Variants in TMEM167B observed in about 807,000 individuals in gnomAD.
TMEM167B encodes the protein transmembrane protein 167B.
A neutral mutation model predicts 9.4 loss-of-function variants in TMEM167B; 2 were observed. The ratio of observed to expected loss-of-function variants is 0.21; its 90% confidence interval spans 0.09 to 0.67. The LOEUF (loss-of-function observed/expected upper bound fraction) is 0.67. Ranked by LOEUF, TMEM167B falls within the 30% of genes least tolerant of loss-of-function variation. TMEM167B has a pLI of 0.82. For missense variants in TMEM167B, 68 were observed against 87.6 expected (o/e 0.78, Z 0.89); for synonymous variants, 28 against 32.0 (o/e 0.87, Z 0.42).
In TMEM167B at chr1:109,094,601, G is replaced by C; in HGVS notation, c.*102G>C. ...GTAGGAGAGTTCAGCTGAAATCATC[G>C]GTCCCCAGGATGACACCACAGCATC... On this transcript the variant is annotated 3_prime_UTR_variant, in exon 3 of 3. Coordinates refer to ENST00000338272, the MANE Select transcript of TMEM167B (RefSeq NM_020141.4). 8.8e-7 allele frequency: 1 copy of C among 1,138,584 alleles called. No homozygotes were observed. The highest frequency in any genetic ancestry group is 2.4e-5 in the East Asian group (1 of 42,408). The allele number at this position is 1,138,584 out of a possible 1,614,324, so 70.5% of individuals were successfully genotyped here. A position where few individuals can be genotyped will look rare whatever the true frequency, so the allele number is the denominator to read the frequency against.
intron 2 of TMEM167B, chr1:109,093,356 G>A (rs775790723): frequency 2.1e-5 from 5 of 242,446 alleles, no homozygotes; most frequent in Non-Finnish European, 4.1e-5. Context: ...GCCAGGTATG[G>A]TGGCACGTGC....
chr1:109,091,152 T>C (rs543142916), intron 1 of TMEM167B, among the ~76,000 whole-genome samples: 93 of 152,302 alleles, frequency 6.1e-4, no homozygotes, highest in Middle Eastern at 3.4e-3. Context: ...TAGTTCTTTC[T>C]GGCCCTTGGA....
Position 109,094,274 on chromosome 1 carries a change from C to T in TMEM167B, c.143-143C>T, listed in dbSNP as rs373180910. ...CAGCCTGGCCGACAGAGTGAGACTG[C>T]CTCCAAAAATAAAATAAAAACATCC... On this transcript the variant is annotated intron_variant, in intron 2 of 2. Transcript: ENST00000338272. 1.2e-3 allele frequency: 934 copies of T among 794,696 alleles called. 5 individuals carry two copies. In the Middle Eastern group the frequency reaches 0.017, roughly 14 times the overall value. The allele number at this position is 794,696 out of a possible 1,614,324, so 49.2% of individuals were successfully genotyped here.
chr1:109,094,305 C>G, intron 2 of TMEM167B, 112 bp from the exon 3 acceptor site: 1 of 1,047,986 alleles, frequency 9.5e-7, no homozygotes, highest in South Asian at 1.4e-5. Flanking sequence ...CATCCCAGGC[C>G]CTTGAGAGCG....
At chr1:109,091,010 G>A (rs1314342234) in intron 1 of TMEM167B, 128 bp downstream of exon 1, 10 of 1,115,706 alleles carry the variant, frequency 9.0e-6, no homozygotes, top group Non-Finnish European at 1.3e-5. Context: ...GCCTCTCGAC[G>A]CCCCTAACTT....
At chr1:109,093,454 T>A (rs1231396560) in intron 2 of TMEM167B, 1 of 156,294 alleles carries the variant, frequency 6.4e-6, no homozygotes, top group Non-Finnish European at 1.4e-5. Context: ...GTGGAGCCAC[T>A]GCACTCCAGC....
chr1:109,093,197 A>G, intron 2 of TMEM167B, 176 bp downstream of exon 2: 2 of 955,456 alleles, frequency 2.1e-6, no homozygotes, highest in South Asian at 1.7e-5. Context: ...GGGAAGAGGT[A>G]AAAGTTAAAA....
rs1235570313 is a variant in TMEM167B, at chr1:109,094,932, T to G, written c.*433T>G. 6.4e-6 allele frequency: 1 copy of G among 155,946 alleles called. No homozygotes were observed. The highest frequency in any genetic ancestry group is 1.4e-5 in the Non-Finnish European group (1 of 70,568). 9.7% of individuals were successfully genotyped at this position (155,946 alleles called of 1,614,324 possible). On this transcript the variant is annotated 3_prime_UTR_variant, in exon 3 of 3. Coordinates refer to ENST00000338272, the MANE Select transcript of TMEM167B (RefSeq NM_020141.4). ...ATTTTCAAGACTTCTTTTCACTCTT[T>G]GATTTGGATCTGGCAAATTGGGGAG... is the stretch of plus-strand genomic sequence containing the variant.
At chr1:109,091,117 G>T (rs1437991516) in intron 1 of TMEM167B, among the ~76,000 whole-genome samples, 3 of 152,088 alleles carry the variant, frequency 2.0e-5, no homozygotes, top group Admixed American at 2.0e-4. Context: ...CTATCCCTAT[G>T]CTTTGCTTTC....
At chr1:109,093,595 C>G (rs1343914421) in intron 2 of TMEM167B, 3 of 152,106 alleles carry the variant, frequency 2.0e-5, no homozygotes, top group African/African-American at 4.8e-5. Context: ...TCATTTTAGG[C>G]TGGGGTGGAA....
Position 109,095,626 on chromosome 1 carries a change from G to T in TMEM167B, c.*1127G>T. The T allele has an allele frequency of 6.6e-6, 1 of 152,094 alleles. No homozygotes were observed. The highest frequency in any genetic ancestry group is 1.9e-4 in the East Asian group (1 of 5,188). 9.4% of individuals were successfully genotyped at this position (152,094 alleles called of 1,614,324 possible). ...TTGCATTGCTCTTTAGTTGTCTCTG[G>T]AAATTCTATTTACTTTAAGGACATG... is the stretch of plus-strand genomic sequence containing the variant. On this transcript the variant is annotated 3_prime_UTR_variant, in exon 3 of 3. Transcript: ENST00000338272.
At position 109,090,769 on chromosome 1, in the gene TMEM167B, A is replaced by C; in HGVS notation, c.-104A>C. On this transcript the variant is annotated 5_prime_UTR_variant, in exon 1 of 3. Coordinates refer to ENST00000338272, the MANE Select transcript of TMEM167B (RefSeq NM_020141.4). ...GCTCCTGCGTACTACGGCTTCTTCC[A>C]GTCACCTCGGCCCGGATCGGGAAGT... 2.1e-6 allele frequency: 3 copies of C among 1,434,410 alleles called. No individual in the cohort carries two copies. The highest frequency in any genetic ancestry group is 1.4e-5 in the African/African-American group (1 of 70,800). 88.9% of individuals were successfully genotyped at this position (1,434,410 alleles called of 1,614,324 possible).
In TMEM167B at chr1:109,094,415, A is replaced by G; in HGVS notation, c.143-2A>G. On this transcript the variant is annotated splice_acceptor_variant, in intron 2 of 2. Coordinates refer to ENST00000338272, the MANE Select transcript of TMEM167B (RefSeq NM_020141.4). LOFTEE classifies it high-confidence loss of function. ...TGATTTCTTCTCTCTTTTGCCTGCT[A>G]GCCGCTGTGATTGGAACCAGGCTGC... The G allele has an allele frequency of 6.2e-7, 1 of 1,614,010 alleles. No individual in the cohort carries two copies. The highest frequency in any genetic ancestry group is 8.5e-7 in the Non-Finnish European group (1 of 1,180,024).
chr1:109,094,441 A>G lies in TMEM167B; in HGVS notation c.167A>G (p.His56Arg). ...YKAAVIGTRLHAAVAIACVVM... is the reference protein window; with the variant it reads ...YKAAVIGTRLRAAVAIACVVM... ...GCCGCTGTGATTGGAACCAGGCTGC[A>G]TGCTGCTGTGGCAATTGCTTGTGTT... is the stretch of plus-strand genomic sequence containing the variant. Residue 56 changes from histidine (H) to arginine (R), a missense_variant, in exon 3 of 3, where the codon CAT (histidine) becomes CGT (arginine). Coordinates refer to ENST00000338272, the MANE Select transcript of TMEM167B (RefSeq NM_020141.4). The G allele has an allele frequency of 1.2e-6, 2 of 1,614,110 alleles. No homozygotes were observed. The highest frequency in any genetic ancestry group is 1.7e-6 in the Non-Finnish European group (2 of 1,180,028).
chr1:109,090,928 G>A (rs1372346784), intron 1 of TMEM167B, 46 bp downstream of exon 1: 14 of 1,564,738 alleles, frequency 8.9e-6, no homozygotes, highest in Non-Finnish European at 1.2e-5. Flanking sequence ...AAGGACGAAG[G>A]GAAAACGTGG....
intron 2 of TMEM167B, among the ~76,000 whole-genome samples, chr1:109,094,018 G>A (rs1664512574): frequency 6.6e-6 from 1 of 152,036 alleles, no homozygotes; most frequent in Non-Finnish European, 1.5e-5. Flanking sequence ...GGTGGCTCAC[G>A]CCTGTAATTC....
rs1557992563 is a variant in TMEM167B at position 109,090,821 on chromosome 1, C to T, written c.-52C>T. ...TCAAGCGGGCGCTCCCCCATCTCCG[C>T]CGCTATTACCACTGAACCCGGACCC... On this transcript the variant is annotated 5_prime_UTR_variant, in exon 1 of 3. Coordinates refer to ENST00000338272, the MANE Select transcript of TMEM167B (RefSeq NM_020141.4). 4 of 1,567,898 alleles carry T rather than the reference C, an allele frequency of 2.6e-6. No homozygotes were observed. The highest frequency in any genetic ancestry group is 2.3e-5 in the South Asian group (2 of 85,370).
At chr1:109,094,197 T>C (rs943195569) in intron 2 of TMEM167B, among the ~76,000 whole-genome samples, 3 of 152,140 alleles carry the variant, frequency 2.0e-5, no homozygotes, top group African/African-American at 7.2e-5. Flanking sequence ...GGAGAATTGC[T>C]TGAACCCGGG....
At position 109,095,618 on chromosome 1, in the gene TMEM167B, T is replaced by C. The variant is rs2102130143; in HGVS notation, c.*1119T>C. The C allele has an allele frequency of 6.6e-6, 1 of 152,350 alleles. No homozygotes were observed. Among genetic ancestry groups the C allele is most frequent in the East Asian group, 1.9e-4 (1 of 5,192 alleles). The allele number at this position is 152,350 out of a possible 1,614,324, so 9.4% of individuals were successfully genotyped here. ...TCTTCATATTGCATTGCTCTTTAGT[T>C]GTCTCTGGAAATTCTATTTACTTTA... On this transcript the variant is annotated 3_prime_UTR_variant, in exon 3 of 3. Coordinates refer to ENST00000338272, the MANE Select transcript of TMEM167B (RefSeq NM_020141.4).
Sources: gnomAD v4.1 joint callset for allele counts (sites outside exome capture counted in the v4.1 genomes callset) on GRCh38, gnomAD v4.1.1 for gene constraint, MANE v1.5 for transcripts, NCBI Gene and HGNC (gene_info 2026-07-23, HGNC 2026-07-21) for gene names.